WDFY3: variants seen among roughly 807,000 people sequenced by gnomAD.
WDFY3 encodes WD repeat and FYVE domain-containing protein 3.
WDFY3 carries 66 observed loss-of-function variants against 409.6 expected under a neutral mutation model. The ratio of observed to expected loss-of-function variants is 0.16; its 90% CI spans 0.13 to 0.20. The LOEUF (loss-of-function observed/expected upper bound fraction) is 0.20, where lower values mean the gene tolerates loss of function less well. Among genes scored for constraint, WDFY3 ranks in the 10% least tolerant of loss-of-function variants. The pLI is 1.00. For synonymous variants in WDFY3, 1,521 were observed against 1,537.1 expected (o/e 0.99, Z 0.25); for missense variants, 3,031 against 4,298.1 (o/e 0.71, Z 8.24).
In WDFY3 at chr4:84,929,562, T is replaced by C. The variant is rs144804016; in HGVS notation, c.-132+2708A>G. 7.3e-5 allele frequency among the ~76,000 whole-genome samples: 11 copies of C among 151,188 alleles called. No homozygotes were observed. The East Asian group carries it at 2.2e-3, about 30-fold the overall frequency. On this transcript the variant is annotated intron_variant, in intron 2 of 67. Coordinates refer to ENST00000295888, the MANE Select transcript of WDFY3 (RefSeq NM_014991.6). ...AGGGTCTTTAAAGAGGTAATCAAGT[T>C]AAAATGAGGCCATCAGGGTGGGCTC...
At chr4:84,807,976 T>TA (rs1751796164) in intron 15 of WDFY3, among the ~76,000 whole-genome samples, 1 of 151,170 alleles carries the variant, frequency 6.6e-6, no homozygotes, top group Non-Finnish European at 1.5e-5. Flanking sequence ...AAATGAAAAA[T>TA]AAAAAAAGTG....
intron 2 of WDFY3, among the ~76,000 whole-genome samples, chr4:84,928,111 C>A (rs960199012): frequency 1.3e-5 from 2 of 152,108 alleles, no homozygotes; most frequent in South Asian, 4.1e-4. Flanking sequence ...AGCTGGGGAC[C>A]CAGATGGAAC....
intron 3 of WDFY3, among the ~76,000 whole-genome samples, chr4:84,877,172 A>C (rs1321201643): frequency 6.6e-6 from 1 of 152,178 alleles, no homozygotes; most frequent in African/African-American, 2.4e-5. Context: ...TTCATGCCCT[A>C]CTATTCTACT....
intron 2 of WDFY3, among the ~76,000 whole-genome samples, chr4:84,924,144 A>G (rs1209584565): frequency 6.6e-6 from 1 of 152,226 alleles, no homozygotes; most frequent in Non-Finnish European, 1.5e-5. Context: ...GATTAAAGGA[A>G]TCTTTTTTCT....
At chr4:84,835,334 T>C (rs1269522835) in intron 7 of WDFY3, among the ~76,000 whole-genome samples, 1 of 152,204 alleles carries the variant, frequency 6.6e-6, no homozygotes, top group East Asian at 1.9e-4. Flanking sequence ...ATCGGCAATA[T>C]CTTCAAGCAG....
chr4:84,850,153 C>G (rs1183588830), intron 4 of WDFY3, 128 bp from the exon 5 acceptor site: 1 of 943,186 alleles, frequency 1.1e-6, no homozygotes, highest in Non-Finnish European at 1.5e-6. Context: ...TACTTTGAAT[C>G]TTAATATGTT....
intron 16 of WDFY3, 38 bp downstream of exon 16, chr4:84,803,252 C>A: frequency 6.5e-7 from 1 of 1,548,518 alleles, no homozygotes; most frequent in Non-Finnish European, 8.7e-7. Flanking sequence ...TCATTCATTT[C>A]ATTACAGACG....
chr4:84,965,788 G>C (rs1473674843), intron 1 of WDFY3: 1 of 57,380 alleles, frequency 1.7e-5, no homozygotes, highest in African/African-American at 7.6e-5. Flanking sequence ...AGGATGCAGC[G>C]GGGGGGGGCC....
intron 3 of WDFY3, among the ~76,000 whole-genome samples, chr4:84,868,754 C>T (rs1172332754): frequency 6.6e-6 from 1 of 152,150 alleles, no homozygotes; most frequent in African/African-American, 2.4e-5. Context: ...CAGCTCCCAC[C>T]GCTATCTTGG....
At chr4:84,737,990 T>C (rs1420610094) in intron 40 of WDFY3, among the ~76,000 whole-genome samples, 2 of 152,200 alleles carry the variant, frequency 1.3e-5, no homozygotes, top group East Asian at 3.8e-4. Context: ...TCTGAGGACC[T>C]TGCTATGAGA....
At chr4:84,775,857 T>C (rs1560729740) in intron 27 of WDFY3, among the ~76,000 whole-genome samples, 1 of 151,926 alleles carries the variant, frequency 6.6e-6, no homozygotes, top group Non-Finnish European at 1.5e-5. Flanking sequence ...ACTAGAACTC[T>C]ATTCCATGCA....
chr4:84,709,880 C>T (rs1732596092), intron 51 of WDFY3, among the ~76,000 whole-genome samples: 2 of 152,172 alleles, frequency 1.3e-5, no homozygotes, highest in South Asian at 4.1e-4. Context: ...GCACTCGCCA[C>T]CACGCCCAGC....
chr4:84,827,097 A>G (rs1754974392), intron 9 of WDFY3, 116 bp from the exon 10 acceptor site: 4 of 1,082,166 alleles, frequency 3.7e-6, no homozygotes, highest in Non-Finnish European at 3.8e-6. Flanking sequence ...TACTCTGGGA[A>G]GTACTGAAAG....
At chr4:84,777,803 C>G (rs1214159713) in intron 27 of WDFY3, among the ~76,000 whole-genome samples, 1 of 151,998 alleles carries the variant, frequency 6.6e-6, no homozygotes, top group Non-Finnish European at 1.5e-5. Flanking sequence ...CCCATAGATC[C>G]TACAGTTTCA....
chr4:84,683,607 T>A (rs1270565196), intron 63 of WDFY3, among the ~76,000 whole-genome samples: 1 of 152,194 alleles, frequency 6.6e-6, no homozygotes, highest in Non-Finnish European at 1.5e-5. Flanking sequence ...ATGTTTTCCC[T>A]ACGAAGCCAT....
chr4:84,930,534 A>C (rs1770632328), intron 2 of WDFY3, among the ~76,000 whole-genome samples: 1 of 152,222 alleles, frequency 6.6e-6, no homozygotes, highest in South Asian at 2.1e-4. Context: ...GGATCTGAAT[A>C]AATTGAGGTG....
rs1335822704 is a variant in WDFY3, at chr4:84,691,856, T to C, written c.9050-71A>G. The C allele has an allele frequency of 4.4e-6, 6 of 1,360,242 alleles. No individual in the cohort carries two copies. The African/African-American group carries it at 8.7e-5, about 20-fold the overall frequency. The allele number at this position is 1,360,242 out of a possible 1,614,324, so 84.3% of individuals were successfully genotyped here. A position where few individuals can be genotyped will look rare whatever the true frequency, so the allele number is the denominator to read the frequency against. On this transcript the variant is annotated intron_variant, in intron 59 of 67. Coordinates refer to ENST00000295888, the MANE Select transcript of WDFY3 (RefSeq NM_014991.6). The stretch of plus-strand genomic sequence containing the variant: ...AATGTCATTATCTCATAGAGCATGA[T>C]AATTTCAAATATTCATATAAATCAA...
intron 3 of WDFY3, among the ~76,000 whole-genome samples, chr4:84,895,865 C>A (rs960608223): frequency 8.6e-5 from 13 of 151,796 alleles, no homozygotes; most frequent in Non-Finnish European, 1.8e-4. Flanking sequence ...TTGGGTGATA[C>A]GAACAATGGT....
In WDFY3 at chr4:84,721,531, C is replaced by T. The variant is rs1257247179; in HGVS notation, c.7483G>A (p.Asp2495Asn). The T allele has an allele frequency of 3.1e-6, 5 of 1,610,826 alleles. No individual in the cohort carries two copies. In the Admixed American group the frequency reaches 6.7e-5, roughly 21 times the overall value. Reference sequence around the variant, plus strand: ...TCCTGGTTCTCCTCATCTCCTCCATCAGGTGCAGATCGGGAGCGTTTTAGA... The same window carrying T: ...TCCTGGTTCTCCTCATCTCCTCCATTAGGTGCAGATCGGGAGCGTTTTAGA... Reference protein sequence around the residue: ...PPLKRSRSAPDGGDEENQEQL... With the variant: ...PPLKRSRSAPNGGDEENQEQL... The change falls in exon 47 of 68, where the codon GAT becomes AAT. Residue 2495 changes from aspartate to asparagine, a missense_variant. Coordinates refer to ENST00000295888, the MANE Select transcript of WDFY3 (RefSeq NM_014991.6).
Sources: gnomAD v4.1 joint callset for allele counts (sites outside exome capture counted in the v4.1 genomes callset) on GRCh38, gnomAD v4.1.1 for gene constraint, MANE v1.5 for transcripts, NCBI Gene and HGNC (gene_info 2026-07-23, HGNC 2026-07-21) for gene names.